Variants in COL4A6 observed in about 807,000 individuals in gnomAD.
COL4A6 encodes the protein collagen type IV alpha 6 chain.
A neutral mutation model predicts 126.7 loss-of-function variants in COL4A6; 59 were observed. The observed-to-expected ratio is 0.47, with a 90% confidence interval of 0.38 to 0.58. The LOEUF is 0.58. Ranked by LOEUF, COL4A6 falls within the 20% of genes least tolerant of loss-of-function variation. COL4A6 has a pLI of 0.00. For synonymous variants in COL4A6, 547 were observed against 496.6 expected, an observed-to-expected ratio of 1.10 and a Z score of -1.35; for missense variants, 1,285 against 1,337.3, an observed-to-expected ratio of 0.96 and a Z score of 0.61.
chrX:108,236,365 A>C (rs2036429866), intron 3 of COL4A6, among the ~76,000 whole-genome samples: 1 of 111,188 alleles, frequency 9.0e-6, no homozygotes, highest in Non-Finnish European at 1.9e-5. Flanking sequence ...GAGAAGCTCT[A>C]GTAAGTGTAT....
intron 5 of COL4A6, among the ~76,000 whole-genome samples, chrX:108,215,534 C>T (rs938950588): frequency 1.8e-5 from 2 of 111,658 alleles, no homozygotes; most frequent in Non-Finnish European, 3.8e-5. Context: ...AGCCTGGCCT[C>T]TATGGAGGCA....
At chrX:108,215,432 TA>T (rs2035831800) in intron 5 of COL4A6, among the ~76,000 whole-genome samples, 1 of 111,603 alleles carries the variant, frequency 9.0e-6, no homozygotes, top group Non-Finnish European at 1.9e-5. Context: ...TGCAGCTCAC[TA>T]AAGTTTGCAA....
At chrX:108,231,009 G>A (rs1236771535) in intron 3 of COL4A6, among the ~76,000 whole-genome samples, 1 of 111,831 alleles carries the variant, frequency 8.9e-6, no homozygotes, top group Non-Finnish European at 1.9e-5. Flanking sequence ...GGCCCAAGAA[G>A]TTTTGGATCA....
At chrX:108,383,138 T>G (rs1289170016) in intron 2 of COL4A6, among the ~76,000 whole-genome samples, 1 of 109,992 alleles carries the variant, frequency 9.1e-6, no homozygotes, top group Admixed American at 9.7e-5. Context: ...TCACTGCAAT[T>G]TAAATGCAGA....
At chrX:108,364,570 T>A (rs970763152) in intron 2 of COL4A6, among the ~76,000 whole-genome samples, 1 of 110,889 alleles carries the variant, frequency 9.0e-6, no homozygotes, top group Admixed American at 9.6e-5. Context: ...TAGTTTTACA[T>A]CACCCACTCC....
intron 2 of COL4A6, among the ~76,000 whole-genome samples, chrX:108,361,922 C>A (rs2040093598): frequency 8.9e-6 from 1 of 111,971 alleles, no homozygotes; most frequent in Admixed American, 9.5e-5. Context: ...ACAATCTCAT[C>A]AGAAATTCAA....
intron 3 of COL4A6, among the ~76,000 whole-genome samples, chrX:108,261,436 T>C (rs2037159182): frequency 9.0e-6 from 1 of 111,408 alleles, no homozygotes; most frequent in Admixed American, 9.6e-5. Context: ...AAATTTGAAT[T>C]CATCTCTCTC....
chrX:108,179,613 C>A (rs759206545), intron 25 of COL4A6, among the ~76,000 whole-genome samples, 175 bp from the exon 26 acceptor site: 11 of 110,662 alleles, frequency 9.9e-5, no homozygotes, highest in African/African-American at 3.6e-4. Flanking sequence ...GAGGCAGGGA[C>A]TGTGCCCTGC....
intron 2 of COL4A6, among the ~76,000 whole-genome samples, chrX:108,334,961 A>G (rs2039396066): frequency 8.9e-6 from 1 of 112,035 alleles, no homozygotes; most frequent in Non-Finnish European, 1.9e-5. Flanking sequence ...TTCTGTGCAG[A>G]TGGAAAGTTA....
intron 3 of COL4A6, among the ~76,000 whole-genome samples, chrX:108,304,421 G>A (rs983585072): frequency 9.0e-6 from 1 of 111,031 alleles, no homozygotes; most frequent in Non-Finnish European, 1.9e-5. Flanking sequence ...TTTCTACCCC[G>A]TCCTTTACTA....
At chrX:108,396,097 TAA>T (rs1267764690) in intron 2 of COL4A6, among the ~76,000 whole-genome samples, 1 of 111,388 alleles carries the variant, frequency 9.0e-6, no homozygotes, top group Non-Finnish European at 1.9e-5. Flanking sequence ...AATTAGTAAA[TAA>T]AAATAAGTTA....
chrX:108,420,699 G>T (rs1226894182), intron 2 of COL4A6, among the ~76,000 whole-genome samples: 1 of 111,985 alleles, frequency 8.9e-6, no homozygotes, highest in Non-Finnish European at 1.9e-5. Context: ...ATTCAGGACA[G>T]GGCAGCCTCA....
At chrX:108,263,645 T>G (rs1054937820) in intron 3 of COL4A6, among the ~76,000 whole-genome samples, 4 of 112,195 alleles carry the variant, frequency 3.6e-5, no homozygotes, top group African/African-American at 1.3e-4. Context: ...ACTACTGAAT[T>G]AAGTCATCTG....
intron 17 of COL4A6, among the ~76,000 whole-genome samples, chrX:108,193,316 C>T (rs1469919085): frequency 2.7e-5 from 3 of 111,727 alleles, no homozygotes; most frequent in South Asian, 3.8e-4. Flanking sequence ...GAAGTCAGCC[C>T]AGCTTGGGGG....
At position 108,191,400 on chromosome X, in the gene COL4A6, GCCTGGTGGA is replaced by G. The variant is rs1050017866; in HGVS notation, c.1305_1313del (p.Gly438_Pro440del). The G allele has an allele frequency of 3.3e-5, 40 of 1,207,973 alleles. No individual in the cohort carries two copies. The highest frequency in any genetic ancestry group is 2.3e-4 in the Middle Eastern group (1 of 4,355). On this transcript the variant is annotated inframe_deletion, in exon 19 of 45. Coordinates refer to ENST00000334504, the MANE Select transcript of COL4A6 (RefSeq NM_033641.4). ...GAGAAATGAGTAACTTACTAGGTGG[GCCTGGTGGA>G]CCTGGTGGGCCTGGCAAACCATCTC... is the stretch of plus-strand genomic sequence containing the variant.
At chrX:108,433,144 G>T (rs1220557273) in intron 2 of COL4A6, among the ~76,000 whole-genome samples, 3 of 111,709 alleles carry the variant, frequency 2.7e-5, no homozygotes, top group Non-Finnish European at 5.6e-5. Context: ...TAAATGAAGT[G>T]ATTTTGTTTA....
chrX:108,380,072 T>C (rs2040530715), intron 2 of COL4A6, among the ~76,000 whole-genome samples: 1 of 112,506 alleles, frequency 8.9e-6, no homozygotes, highest in South Asian at 3.7e-4. Context: ...GGTTTATGCA[T>C]TTACTGAGAT....
At chrX:108,335,195 G>C (rs1369558502) in intron 2 of COL4A6, among the ~76,000 whole-genome samples, 1 of 112,307 alleles carries the variant, frequency 8.9e-6, no homozygotes, top group African/African-American at 3.2e-5. Context: ...GTGTGGGAAA[G>C]CAAGGAAGGT....
At chrX:108,408,557 A>C (rs906566516) in intron 2 of COL4A6, among the ~76,000 whole-genome samples, 3 of 112,133 alleles carry the variant, frequency 2.7e-5, no homozygotes, top group Non-Finnish European at 5.6e-5. Context: ...ATCAAGTTGA[A>C]TTATACACCA....
Sources: gnomAD v4.1 joint callset for allele counts (sites outside exome capture counted in the v4.1 genomes callset) on GRCh38, gnomAD v4.1.1 for gene constraint, MANE v1.5 for transcripts, NCBI Gene and HGNC (gene_info 2026-07-23, HGNC 2026-07-21) for gene names.